The following PCDH15 variants were observed in gnomAD, a reference collection of about 807,000 sequenced individuals.
The protein encoded by PCDH15 is protocadherin-15.
PCDH15 carries 129 observed loss-of-function variants against 178.5 expected under a neutral mutation model. That is an observed-to-expected ratio of 0.72 (90% CI 0.63 to 0.84). The LOEUF (loss-of-function observed/expected upper bound fraction) is 0.84. PCDH15 is among the 40% of genes least tolerant of loss of function. The pLI is 0.00. For synonymous variants in PCDH15, 800 were observed against 732.0 expected (o/e 1.09, Z -1.50); for missense variants, 2,230 against 2,099.9 (o/e 1.06, Z -1.21).
intron 26 of PCDH15, among the ~76,000 whole-genome samples, chr10:53,895,648 T>C (rs1373796366): frequency 1.3e-5 from 2 of 152,184 alleles, no homozygotes; most frequent in African/African-American, 2.4e-5. Flanking sequence ...CATCTCCCTG[T>C]ATTTGCAATA....
At chr10:54,029,798 C>A (rs990881777) in intron 18 of PCDH15, among the ~76,000 whole-genome samples, 10 of 152,052 alleles carry the variant, frequency 6.6e-5, no homozygotes, top group African/African-American at 2.2e-4. Context: ...TTAGAATGGT[C>A]TGTTACACAA....
intron 3 of PCDH15, among the ~76,000 whole-genome samples, chr10:54,842,491 C>A (rs546738288): frequency 1.3e-5 from 2 of 151,902 alleles, no homozygotes; most frequent in East Asian, 3.9e-4. Flanking sequence ...TCATTAAATT[C>A]TATAAGGAAA....
chr10:55,073,678 G>A (rs11516683), intron 2 of PCDH15, among the ~76,000 whole-genome samples: 10,226 of 152,068 alleles, frequency 0.067, 459 homozygotes, highest in African/African-American at 0.11. Flanking sequence ...GTTAGAGAGA[G>A]TTCCCCCCTC....
At chr10:53,979,557 T>A (rs2090453915) in intron 21 of PCDH15, among the ~76,000 whole-genome samples, 1 of 152,220 alleles carries the variant, frequency 6.6e-6, no homozygotes, top group South Asian at 2.1e-4. Flanking sequence ...TATAAATATC[T>A]GCTAATTTTC....
At chr10:54,034,816 G>C (rs1055285295) in intron 18 of PCDH15, among the ~76,000 whole-genome samples, 1 of 151,836 alleles carries the variant, frequency 6.6e-6, no homozygotes, top group Admixed American at 6.6e-5. Context: ...TTTATGAAAA[G>C]TGCTGTCAGT....
intron 3 of PCDH15, among the ~76,000 whole-genome samples, chr10:54,453,058 G>A (rs1031799097): frequency 1.3e-5 from 2 of 152,044 alleles, no homozygotes; most frequent in African/African-American, 4.8e-5. Flanking sequence ...CTGTTGGTGC[G>A]ACTGTAAACT....
At chr10:53,815,713 CATA>C (rs1225547329) in intron 35 of PCDH15, among the ~76,000 whole-genome samples, 1 of 151,558 alleles carries the variant, frequency 6.6e-6, no homozygotes, top group African/African-American at 2.4e-5. Flanking sequence ...CATATATAAA[CATA>C]ATAAGTAAAT....
At chr10:54,963,185 C>T (rs1838699093) in intron 2 of PCDH15, among the ~76,000 whole-genome samples, 1 of 152,146 alleles carries the variant, frequency 6.6e-6, no homozygotes, top group Non-Finnish European at 1.5e-5. Context: ...CCCAGTAAAT[C>T]AAACTAGTAT....
chr10:54,839,963 C>A (rs1254341962), intron 3 of PCDH15, among the ~76,000 whole-genome samples: 4 of 151,890 alleles, frequency 2.6e-5, no homozygotes, highest in African/African-American at 9.7e-5. Flanking sequence ...TCAGACCAAA[C>A]ACACTATCAA....
intron 2 of PCDH15, among the ~76,000 whole-genome samples, chr10:55,358,171 T>C (rs1356970070): frequency 6.6e-6 from 1 of 152,120 alleles, no homozygotes; most frequent in Non-Finnish European, 1.5e-5. Flanking sequence ...AACTGAACAC[T>C]TCTTTCACTC....
intron 2 of PCDH15, among the ~76,000 whole-genome samples, chr10:55,392,292 G>A (rs1029662531): frequency 6.6e-6 from 1 of 152,148 alleles, no homozygotes; most frequent in Non-Finnish European, 1.5e-5. Context: ...TAAAAGTGAG[G>A]TTGGCACAGA....
At chr10:54,934,332 G>C (rs1414041043) in intron 2 of PCDH15, among the ~76,000 whole-genome samples, 1 of 152,036 alleles carries the variant, frequency 6.6e-6, no homozygotes, top group Non-Finnish European at 1.5e-5. Flanking sequence ...TATATACTAA[G>C]ATATTATGTT....
chr10:55,007,929 C>T (rs904606335), intron 2 of PCDH15, among the ~76,000 whole-genome samples: 4 of 151,988 alleles, frequency 2.6e-5, no homozygotes, highest in African/African-American at 4.8e-5. Context: ...GATCCTGCTT[C>T]AATAATATTT....
At chr10:54,103,169 T>C (rs1007441589) in intron 15 of PCDH15, among the ~76,000 whole-genome samples, 3 of 152,246 alleles carry the variant, frequency 2.0e-5, no homozygotes, top group Non-Finnish European at 4.4e-5. Flanking sequence ...TCTCTGTTTT[T>C]ATAATTCAAA....
At chr10:55,275,193 T>C (rs1236778632) in intron 1 of PCDH15, among the ~76,000 whole-genome samples, 2 of 152,112 alleles carry the variant, frequency 1.3e-5, no homozygotes, top group African/African-American at 4.8e-5. Context: ...TTTTCAAATT[T>C]ATTCATTCAT....
At chr10:54,165,318 A>T (rs1326127444) in intron 13 of PCDH15, among the ~76,000 whole-genome samples, 1 of 152,172 alleles carries the variant, frequency 6.6e-6, no homozygotes, top group Non-Finnish European at 1.5e-5. Flanking sequence ...ATTTGGAAAA[A>T]GATATTGATA....
intron 2 of PCDH15, among the ~76,000 whole-genome samples, chr10:55,410,749 C>T (rs945172736): frequency 1.3e-5 from 2 of 152,060 alleles, no homozygotes; most frequent in Non-Finnish European, 2.9e-5. Flanking sequence ...AAAACAACTG[C>T]TGCTCAGTAA....
At chr10:54,670,133 GATAAA>G (rs2094636580) in intron 1 of PCDH15, among the ~76,000 whole-genome samples, 1 of 152,020 alleles carries the variant, frequency 6.6e-6, no homozygotes, top group Non-Finnish European at 1.5e-5. Context: ...AACATTGTGG[GATAAA>G]ATAAAATTGA....
chr10:55,324,174 A>G (rs1193858090), upstream of PCDH15, among the ~76,000 whole-genome samples: 1 of 152,144 alleles, frequency 6.6e-6, no homozygotes, highest in Non-Finnish European at 1.5e-5. Flanking sequence ...AGTCCATTAA[A>G]TTTATTTCCT....
Sources: gnomAD v4.1 joint callset for allele counts (sites outside exome capture counted in the v4.1 genomes callset) on GRCh38, gnomAD v4.1.1 for gene constraint, MANE v1.5 for transcripts, NCBI Gene and HGNC (gene_info 2026-07-23, HGNC 2026-07-21) for gene names.